Variants in LDB2 observed in about 807,000 individuals in gnomAD.
LDB2 encodes LIM domain binding 2, also known as LIM domain-binding protein 2.
A neutral mutation model predicts 44.3 loss-of-function variants in LDB2; 12 were observed. The ratio of observed to expected loss-of-function variants is 0.27; its 90% CI spans 0.17 to 0.44. The LOEUF is 0.44. Among genes scored for constraint, LDB2 ranks in the 20% least tolerant of loss-of-function variants. The pLI is 1.00. For synonymous variants in LDB2, 164 were observed against 174.8 expected (o/e 0.94, Z 0.49); for missense variants, 344 against 473.5 (o/e 0.73, Z 2.54).
intron 1 of LDB2, among the ~76,000 whole-genome samples, chr4:16,881,018 C>G (rs956596934): frequency 3.9e-5 from 6 of 151,986 alleles, no homozygotes; most frequent in Admixed American, 3.9e-4. Flanking sequence ...AGTGGATTCT[C>G]AGTAAACAGA....
At chr4:16,775,328 C>G (rs1404114205) in intron 1 of LDB2, among the ~76,000 whole-genome samples, 1 of 152,146 alleles carries the variant, frequency 6.6e-6, no homozygotes, top group Non-Finnish European at 1.5e-5. Context: ...CATAATGCAT[C>G]TTACAAATAC....
intron 2 of LDB2, among the ~76,000 whole-genome samples, chr4:16,608,549 A>G (rs1329158678): frequency 5.3e-5 from 8 of 152,268 alleles, no homozygotes; most frequent in East Asian, 3.9e-4. Context: ...TGCGCATTCT[A>G]TGGGTTCTGA....
At chr4:16,576,448 T>G (rs1248526811) in intron 5 of LDB2, among the ~76,000 whole-genome samples, 1 of 152,024 alleles carries the variant, frequency 6.6e-6, no homozygotes. Context: ...TAATAGCTAC[T>G]ATGAGCAAGT....
At chr4:16,702,288 C>G (rs1560931842) in intron 2 of LDB2, among the ~76,000 whole-genome samples, 1 of 152,322 alleles carries the variant, frequency 6.6e-6, no homozygotes, top group East Asian at 1.9e-4. Flanking sequence ...TCCAACACTT[C>G]CCATGAACTT....
At chr4:16,540,580 T>G (rs1277078323) in intron 5 of LDB2, among the ~76,000 whole-genome samples, 2 of 152,186 alleles carry the variant, frequency 1.3e-5, no homozygotes, top group Non-Finnish European at 2.9e-5. Flanking sequence ...CTATGTCCTT[T>G]GAGAATCATT....
chr4:16,667,284 G>A (rs1442187656), intron 2 of LDB2, among the ~76,000 whole-genome samples: 4 of 152,212 alleles, frequency 2.6e-5, no homozygotes, highest in African/African-American at 4.8e-5. Context: ...TTCAGACAGT[G>A]AGAAGGGGAA....
intron 1 of LDB2, among the ~76,000 whole-genome samples, chr4:16,765,743 G>C (rs1000673447): frequency 1.2e-4 from 18 of 152,326 alleles, no homozygotes; most frequent in African/African-American, 4.3e-4. Flanking sequence ...GGCCAAGACA[G>C]TGTTCGAGAG....
intron 5 of LDB2, among the ~76,000 whole-genome samples, chr4:16,562,937 A>G: frequency 6.6e-6 from 1 of 152,134 alleles, no homozygotes; most frequent in Non-Finnish European, 1.5e-5. Context: ...GAAATTGGAA[A>G]TCATCATTCT....
At chr4:16,599,131 A>T (rs1260135460) in intron 2 of LDB2, among the ~76,000 whole-genome samples, 1 of 152,158 alleles carries the variant, frequency 6.6e-6, no homozygotes, top group African/African-American at 2.4e-5. Context: ...GCTGTAAAAA[A>T]TTACCACCAA....
intron 7 of LDB2, chr4:16,505,883 G>A (rs1182617095): frequency 6.4e-7 from 1 of 1,551,462 alleles, no homozygotes; most frequent in Non-Finnish European, 8.7e-7. Context: ...GCCCCTCAAT[G>A]CTTCTCCTTA....
rs367889341 is a variant in LDB2, at chr4:16,642,336, G to C, written c.236-46461C>G. On this transcript the variant is annotated intron_variant, in intron 2 of 7. Transcript: ENST00000304523. The stretch of plus-strand genomic sequence containing the variant: ...ATACTACAGGAAAAGGAAATGTTAA[G>C]AAAAGGAGAGAACATAGCAGGTAAA... Among the ~76,000 whole-genome samples the C allele has an allele frequency of 1.1e-4, 17 of 152,132 alleles. No individual in the cohort carries two copies. The East Asian group carries it at 1.5e-3, about 14-fold the overall frequency.
At chr4:16,655,781 G>A (rs1739607047) in intron 2 of LDB2, among the ~76,000 whole-genome samples, 1 of 151,522 alleles carries the variant, frequency 6.6e-6, no homozygotes, top group Non-Finnish European at 1.5e-5. Context: ...TGATAGACAT[G>A]TGTATTTCAA....
chr4:16,748,302 C>T (rs1764779843), intron 2 of LDB2, among the ~76,000 whole-genome samples: 1 of 152,124 alleles, frequency 6.6e-6, no homozygotes, highest in Non-Finnish European at 1.5e-5. Flanking sequence ...GAAAGGACAA[C>T]TTCATAAAAA....
intron 1 of LDB2, among the ~76,000 whole-genome samples, chr4:16,794,749 A>G (rs754678874): frequency 6.6e-6 from 1 of 152,254 alleles, no homozygotes; most frequent in Non-Finnish European, 1.5e-5. Flanking sequence ...GTTTACATAA[A>G]TGACAATTTT....
intron 1 of LDB2, among the ~76,000 whole-genome samples, chr4:16,878,895 G>T (rs535806684): frequency 6.6e-6 from 1 of 152,180 alleles, no homozygotes; most frequent in South Asian, 2.1e-4. Flanking sequence ...CACCAATATA[G>T]GTCAGCTTTC....
intron 5 of LDB2, among the ~76,000 whole-genome samples, chr4:16,544,868 T>A (rs1033266840): frequency 9.3e-4 from 140 of 151,290 alleles, no homozygotes; most frequent in African/African-American, 3.2e-3. Context: ...AATGAAGGAG[T>A]TGTCAGCTTA....
At chr4:16,812,638 T>TGTGA (rs1780121130) in intron 1 of LDB2, among the ~76,000 whole-genome samples, 1 of 140,616 alleles carries the variant, frequency 7.1e-6, no homozygotes, top group Non-Finnish European at 1.5e-5. Flanking sequence ...TATATGTGTG[T>TGTGA]GTGTGTGTGT....
intron 2 of LDB2, among the ~76,000 whole-genome samples, chr4:16,740,951 A>G (rs1763126240): frequency 6.6e-6 from 1 of 152,156 alleles, no homozygotes; most frequent in East Asian, 1.9e-4. Context: ...GCTAGGAAAG[A>G]CTCTCTCAAT....
chr4:16,634,424 A>G (rs1305658455), intron 2 of LDB2, among the ~76,000 whole-genome samples: 2 of 152,230 alleles, frequency 1.3e-5, no homozygotes, highest in Non-Finnish European at 2.9e-5. Flanking sequence ...CAGAGTCTAC[A>G]AAGAACTTAA....
Sources: gnomAD v4.1 joint callset for allele counts (sites outside exome capture counted in the v4.1 genomes callset) on GRCh38, gnomAD v4.1.1 for gene constraint, MANE v1.5 for transcripts, NCBI Gene and HGNC (gene_info 2026-07-23, HGNC 2026-07-21) for gene names.